Variants in THSD7B observed in about 807,000 individuals in gnomAD.
The protein encoded by THSD7B is thrombospondin type 1 domain containing 7B.
THSD7B carries 138 observed loss-of-function variants against 213.6 expected under a neutral mutation model. The ratio of observed to expected loss-of-function variants is 0.65; its 90% CI spans 0.56 to 0.74. The LOEUF (loss-of-function observed/expected upper bound fraction) is 0.74, where lower values mean the gene tolerates loss of function less well. Among genes scored for constraint, THSD7B ranks in the 30% least tolerant of loss-of-function variants. The pLI is 0.00. For synonymous variants in THSD7B, 742 were observed against 687.0 expected (o/e 1.08, Z -1.25); for missense variants, 1,931 against 1,991.5 (o/e 0.97, Z 0.58).
intron 7 of THSD7B, among the ~76,000 whole-genome samples, chr2:137,174,766 A>G (rs1680328157): frequency 6.6e-6 from 1 of 152,086 alleles, no homozygotes; most frequent in Non-Finnish European, 1.5e-5. Flanking sequence ...AATAGCTTTG[A>G]TTTCTGTCCT....
intron 12 of THSD7B, among the ~76,000 whole-genome samples, chr2:137,395,874 T>A (rs1237873866): frequency 6.7e-6 from 1 of 148,970 alleles, no homozygotes. Flanking sequence ...ATTCAACTTC[T>A]TCCTTTTTTA....
In THSD7B at chr2:137,142,733, G is replaced by A. The variant is rs1464673563; in HGVS notation, c.1370-17480G>A. On this transcript the variant is annotated intron_variant, in intron 5 of 27. Transcript: ENST00000409968. The stretch of plus-strand genomic sequence containing the variant: ...TCATAGTATGTTCACTGTTATCTTT[G>A]CCTTGCTTCTAACTTAAATATTTAG... Among the ~76,000 whole-genome samples, 4 of 151,870 alleles carry A rather than the reference G, an allele frequency of 2.6e-5. No homozygotes were observed. In the East Asian group the frequency reaches 7.7e-4, roughly 29 times the overall value.
chr2:137,439,896 A>T (rs1486637736), intron 14 of THSD7B, among the ~76,000 whole-genome samples: 1 of 152,164 alleles, frequency 6.6e-6, no homozygotes, highest in Non-Finnish European at 1.5e-5. Flanking sequence ...ACAGTCAGGC[A>T]AATAGAAAAA....
At chr2:137,586,791 C>T (rs1054075641) in intron 17 of THSD7B, among the ~76,000 whole-genome samples, 10 of 152,104 alleles carry the variant, frequency 6.6e-5, no homozygotes, top group African/African-American at 1.2e-4. Flanking sequence ...TTTCAACTTT[C>T]GTGAATCTGA....
chr2:137,479,512 G>C (rs920726456), intron 15 of THSD7B: 8 of 409,166 alleles, frequency 2.0e-5, no homozygotes, highest in African/African-American at 1.6e-4. Flanking sequence ...GGGGAAAGTG[G>C]GGTTCCTTTC....
At chr2:137,120,543 G>A (rs1024351396) in intron 5 of THSD7B, among the ~76,000 whole-genome samples, 7 of 151,984 alleles carry the variant, frequency 4.6e-5, no homozygotes, top group Admixed American at 1.3e-4. Flanking sequence ...AGAGCAGGGA[G>A]GAAGGAGGAA....
In THSD7B at chr2:137,674,526, A is replaced by G. The variant is rs572700998; in HGVS notation, c.4740-1998A>G. 6.6e-5 allele frequency among the ~76,000 whole-genome samples: 10 copies of G among 152,318 alleles called. No individual in the cohort carries two copies. In the South Asian group the frequency reaches 1.0e-3, roughly 16 times the overall value. ...TGTGGAATGGTATACCCAGGACTCC[A>G]TGTCAAGTGGGGTTCATGCCAGAGC... On this transcript the variant is annotated intron_variant, in intron 27 of 27. Coordinates refer to ENST00000409968, the MANE Select transcript of THSD7B (RefSeq NM_001316349.2).
intron 15 of THSD7B, among the ~76,000 whole-genome samples, chr2:137,514,122 G>A (rs1006075540): frequency 2.0e-5 from 3 of 151,988 alleles, no homozygotes; most frequent in Non-Finnish European, 4.4e-5. Flanking sequence ...CTATATATAT[G>A]ACAGTATATG....
At chr2:137,176,839 C>G (rs1435858892) in intron 7 of THSD7B, among the ~76,000 whole-genome samples, 4 of 152,204 alleles carry the variant, frequency 2.6e-5, no homozygotes, top group Admixed American at 6.5e-5. Context: ...TGATTACCTA[C>G]TCTTTACCAG....
At chr2:137,306,622 T>A (rs887719804) in intron 12 of THSD7B, among the ~76,000 whole-genome samples, 1 of 152,214 alleles carries the variant, frequency 6.6e-6, no homozygotes, top group African/African-American at 2.4e-5. Flanking sequence ...TATCTTCTAG[T>A]GAAAAAGAAT....
At chr2:137,513,016 T>C (rs1029732171) in intron 15 of THSD7B, among the ~76,000 whole-genome samples, 3 of 152,118 alleles carry the variant, frequency 2.0e-5, no homozygotes, top group African/African-American at 7.2e-5. Context: ...TCATTTACCT[T>C]CAAAGCAACA....
rs144561140 is a variant in THSD7B at position 137,481,592 on chromosome 2, T to C, written c.3138+30569T>C. On this transcript the variant is annotated intron_variant, in intron 15 of 27. Coordinates refer to ENST00000409968, the MANE Select transcript of THSD7B (RefSeq NM_001316349.2). The stretch of plus-strand genomic sequence containing the variant: ...ACCCCATGATCTTTGTAAGGATTAC[T>C]TAGCTCTGTTGTGATATTGCAAAAG... Among the ~76,000 whole-genome samples the C allele has an allele frequency of 1.7e-3, 254 of 152,344 alleles. 2 individuals are homozygous for C. Among genetic ancestry groups the C allele is most frequent in the Non-Finnish European group, 2.5e-4 (17 of 68,038 alleles).
At chr2:137,320,473 G>T (rs1277177413) in intron 12 of THSD7B, among the ~76,000 whole-genome samples, 2 of 152,124 alleles carry the variant, frequency 1.3e-5, no homozygotes, top group Non-Finnish European at 2.9e-5. Context: ...TTGAGGAAAT[G>T]ACATTAAATG....
chr2:137,212,291 T>G lies in THSD7B; in HGVS notation c.1724-18753T>G, dbSNP rs141979793. 9.9e-5 allele frequency among the ~76,000 whole-genome samples: 15 copies of G among 152,182 alleles called. No individual in the cohort carries two copies. The East Asian group carries it at 2.9e-3, about 29-fold the overall frequency. On this transcript the variant is annotated intron_variant, in intron 7 of 27. Transcript: ENST00000409968. ...TAAATTCATTTTGTAATGAGTGAGC[T>G]CTTTCTTAATTTTATTCTCAAATTC...
At chr2:137,114,431 T>C (rs1053384836) in intron 4 of THSD7B, among the ~76,000 whole-genome samples, 121 of 152,338 alleles carry the variant, frequency 7.9e-4, no homozygotes, top group African/African-American at 2.7e-3. Flanking sequence ...TTTTCCCCCT[T>C]ATTTGTGGGG....
intron 3 of THSD7B, among the ~76,000 whole-genome samples, chr2:137,085,091 G>A (rs1687814370): frequency 6.6e-6 from 1 of 152,154 alleles, no homozygotes; most frequent in Non-Finnish European, 1.5e-5. Flanking sequence ...GCACCATCCA[G>A]GTTTATACAC....
chr2:137,122,346 A>C (rs1688559988), intron 5 of THSD7B, among the ~76,000 whole-genome samples: 1 of 150,314 alleles, frequency 6.7e-6, no homozygotes, highest in Non-Finnish European at 1.5e-5. Flanking sequence ...AAGAGATTAA[A>C]CCAGTGAGAC....
Position 137,105,014 on chromosome 2 carries a change from T to C in THSD7B, c.1199+9893T>C, listed in dbSNP as rs562540138. Among the ~76,000 whole-genome samples, 12 of 152,308 alleles carry C rather than the reference T, an allele frequency of 7.9e-5. 1 individual carries two copies. The highest frequency in any genetic ancestry group is 7.8e-4 in the Admixed American group (12 of 15,304). On this transcript the variant is annotated intron_variant, in intron 4 of 27. Transcript: ENST00000409968. ...GCTGGCACCATTCCTTCTGAAACTA[T>C]TCCAAACAATAGAAAAAGAGGGAAT...
intron 2 of THSD7B, among the ~76,000 whole-genome samples, chr2:137,025,531 C>G (rs1260945752): frequency 6.6e-6 from 1 of 152,122 alleles, no homozygotes; most frequent in Non-Finnish European, 1.5e-5. Flanking sequence ...AATACCACTT[C>G]TGTGGAGTTT....
Sources: allele counts gnomAD v4.1 joint callset (sites outside exome capture counted in the v4.1 genomes callset), GRCh38; gene constraint gnomAD v4.1.1; transcripts MANE v1.5; gene names NCBI Gene and HGNC (gene_info 2026-07-23, HGNC 2026-07-21).